The following CHMP2B variants were observed in gnomAD, a reference collection of about 807,000 sequenced individuals.
CHMP2B encodes VPS2 homolog B.
CHMP2B carries 22 observed loss-of-function variants against 29.8 expected under a neutral mutation model. The ratio of observed to expected loss-of-function variants is 0.74; its 90% CI spans 0.53 to 1.05. The LOEUF (loss-of-function observed/expected upper bound fraction) is 1.05, where lower values mean the gene tolerates loss of function less well. Ranked by LOEUF, CHMP2B falls within the 50% of genes least tolerant of loss-of-function variation. The probability of loss-of-function intolerance (pLI) is 0.00; values close to 1 mark genes in which losing one functional copy is unlikely to be tolerated. For synonymous variants in CHMP2B, 78 were observed against 75.8 expected, an observed-to-expected ratio of 1.03 and a Z score of -0.15; for missense variants, 261 against 252.2, an observed-to-expected ratio of 1.03 and a Z score of -0.24.
At chr3:87,245,996 C>T (rs1381518577) in intron 3 of CHMP2B, 88 bp downstream of exon 3, 6 of 1,059,772 alleles carry the variant, frequency 5.7e-6, no homozygotes, top group African/African-American at 1.6e-5. Context: ...AAAGCACCTC[C>T]TGGTGTATAT....
chr3:87,242,985 T>C (rs1382023503), intron 2 of CHMP2B, among the ~76,000 whole-genome samples: 2 of 152,166 alleles, frequency 1.3e-5, no homozygotes, highest in African/African-American at 4.8e-5. Flanking sequence ...CAGATTTTGA[T>C]TGGGATTACA....
intron 2 of CHMP2B, among the ~76,000 whole-genome samples, chr3:87,243,285 T>A (rs1706155037): frequency 6.6e-6 from 1 of 152,182 alleles, no homozygotes; most frequent in African/African-American, 2.4e-5. Flanking sequence ...TTGGTAATGA[T>A]GTATTTTTTT....
At chr3:87,229,164 G>C (rs1056991306) in intron 1 of CHMP2B, among the ~76,000 whole-genome samples, 1 of 152,004 alleles carries the variant, frequency 6.6e-6, no homozygotes, top group African/African-American at 2.4e-5. Context: ...ATAAATCTCA[G>C]TTCTGTGCTT....
rs974739906 is a variant in CHMP2B at position 87,245,595 on chromosome 3, C to A, written c.127-119C>A. 10 of 801,262 alleles carry A rather than the reference C, an allele frequency of 1.2e-5. No individual in the cohort carries two copies. The East Asian group carries it at 1.3e-4, about 11-fold the overall frequency. The allele number at this position is 801,262 out of a possible 1,614,324, so 49.6% of individuals were successfully genotyped here. On this transcript the variant is annotated intron_variant, in intron 2 of 5. Coordinates refer to ENST00000263780, the MANE Select transcript of CHMP2B (RefSeq NM_014043.4). ...TCTATGACTTTATAATAGCTTCTTC[C>A]CCTCTTCATGATCGGGGACAAAGGG...
chr3:87,235,822 C>T (rs1705997099), intron 1 of CHMP2B, among the ~76,000 whole-genome samples: 1 of 152,196 alleles, frequency 6.6e-6, no homozygotes. Flanking sequence ...TGCCCTACTT[C>T]AGATGCCACT....
intron 1 of CHMP2B, among the ~76,000 whole-genome samples, chr3:87,239,425 G>A (rs1706074241): frequency 6.6e-6 from 1 of 152,078 alleles, no homozygotes. Flanking sequence ...TTGAGTTAAT[G>A]TTTGTATACA....
rs1053626365 is a variant in CHMP2B, at chr3:87,254,743, A to T, written c.*921A>T. ...ATATTTTGGCCATCTAAAAATGAGA[A>T]TTATAATTATATGAATTATAATTTA... On this transcript the variant is annotated 3_prime_UTR_variant, in exon 6 of 6. Coordinates refer to ENST00000263780, the MANE Select transcript of CHMP2B (RefSeq NM_014043.4). 6.6e-6 allele frequency: 1 copy of T among 151,910 alleles called. No homozygotes were observed. Among genetic ancestry groups the T allele is most frequent in the African/African-American group, 2.4e-5 (1 of 41,412 alleles). The allele number at this position is 151,910 out of a possible 1,614,324, so 9.4% of individuals were successfully genotyped here.
At chr3:87,244,890 A>C (rs1279102885) in intron 2 of CHMP2B, among the ~76,000 whole-genome samples, 1 of 152,190 alleles carries the variant, frequency 6.6e-6, no homozygotes, top group Non-Finnish European at 1.5e-5. Flanking sequence ...TACTTGTAAC[A>C]ATTAGACTTT....
At chr3:87,243,763 A>G (rs1241833563) in intron 2 of CHMP2B, among the ~76,000 whole-genome samples, 1 of 152,124 alleles carries the variant, frequency 6.6e-6, no homozygotes, top group Non-Finnish European at 1.5e-5. Context: ...ATTTTAAAAT[A>G]TACTGATATA....
intron 4 of CHMP2B, among the ~76,000 whole-genome samples, chr3:87,251,311 G>C (rs919856741): frequency 1.1e-4 from 16 of 151,868 alleles, no homozygotes; most frequent in African/African-American, 3.6e-4. Flanking sequence ...CATCATCAAT[G>C]ATTTTTTAAT....
chr3:87,239,433 A>G (rs923687073), intron 1 of CHMP2B, among the ~76,000 whole-genome samples: 5 of 152,132 alleles, frequency 3.3e-5, no homozygotes, highest in Non-Finnish European at 7.4e-5. Flanking sequence ...ATGTTTGTAT[A>G]CAGTGTGACG....
At position 87,245,735 on chromosome 3, in the gene CHMP2B, G is replaced by C. The variant is rs1429270184; in HGVS notation, c.148G>C (p.Ala50Pro). 1 of 1,613,246 alleles carries C rather than the reference G, an allele frequency of 6.2e-7. No individual in the cohort carries two copies. Among genetic ancestry groups the C allele is most frequent in the African/African-American group, 1.3e-5 (1 of 74,838 alleles). ...TTAGGAATTAGAAATTAAGAAAATG[G>C]CCAAGATTGGTAATAAGGAAGCTTG... is the stretch of plus-strand genomic sequence containing the variant. ...KQLELEIKKM[A>P]KIGNKEACKV... The change falls in exon 3 of 6, where the codon GCC becomes CCC. Residue 50 changes from alanine to proline, a missense_variant. Coordinates refer to ENST00000263780, the MANE Select transcript of CHMP2B (RefSeq NM_014043.4).
In CHMP2B at chr3:87,240,702, T is replaced by C. The variant is rs781703226; in HGVS notation, c.38T>C (p.Val13Ala). ...SLFKKKTVDDVIKEQNRELRG... is the reference protein window; with the variant it reads ...SLFKKKTVDDAIKEQNRELRG... ...GTTTCTTTTGTGATTCTCCTAGATG[T>C]AATAAAGGAACAGAATCGAGAGTTA... is the stretch of plus-strand genomic sequence containing the variant. Residue 13 changes from valine (V) to alanine (A), a missense_variant, in exon 2 of 6, where the codon GTA becomes GCA. By Grantham distance (64) the Val-to-Ala change is moderately conservative. Transcript: ENST00000263780. 6.2e-7 allele frequency: 1 copy of C among 1,604,842 alleles called. No individual in the cohort carries two copies. Among genetic ancestry groups the C allele is most frequent in the Admixed American group, 1.7e-5 (1 of 59,976 alleles).
chr3:87,242,659 G>A (rs1229871320), intron 2 of CHMP2B, among the ~76,000 whole-genome samples: 1 of 152,080 alleles, frequency 6.6e-6, no homozygotes, highest in Non-Finnish European at 1.5e-5. Context: ...TCAGGTAAGG[G>A]TAGAGGTTCA....
chr3:87,227,329 G>C lies in CHMP2B; in HGVS notation c.-194G>C. On this transcript the variant is annotated 5_prime_UTR_variant, in exon 1 of 6. Coordinates refer to ENST00000263780, the MANE Select transcript of CHMP2B (RefSeq NM_014043.4). Reference sequence around the variant, plus strand: ...AGTGTGTTAGTTCCCGGTCACCTGAGCTCCGGGTGACGCGGCTGCGGTAGC... The same window carrying C: ...AGTGTGTTAGTTCCCGGTCACCTGACCTCCGGGTGACGCGGCTGCGGTAGC... The C allele has an allele frequency of 3.1e-6, 2 of 638,818 alleles. No individual in the cohort carries two copies. The highest frequency in any genetic ancestry group is 5.6e-6 in the Non-Finnish European group (2 of 355,986). 39.6% of individuals were successfully genotyped at this position (638,818 alleles called of 1,614,324 possible).
At chr3:87,229,696 T>C (rs1559604410) in intron 1 of CHMP2B, among the ~76,000 whole-genome samples, 1 of 152,178 alleles carries the variant, frequency 6.6e-6, no homozygotes, top group Non-Finnish European at 1.5e-5. Flanking sequence ...TCTTTTATTG[T>C]ATGCTGACTT....
intron 4 of CHMP2B, among the ~76,000 whole-genome samples, chr3:87,251,047 A>T (rs1400518327): frequency 6.6e-6 from 1 of 151,968 alleles, no homozygotes; most frequent in Non-Finnish European, 1.5e-5. Flanking sequence ...CTATGTAGGG[A>T]TATACCAGTT....
At chr3:87,236,556 A>G (rs1706015522) in intron 1 of CHMP2B, among the ~76,000 whole-genome samples, 1 of 152,084 alleles carries the variant, frequency 6.6e-6, no homozygotes, top group South Asian at 2.1e-4. Flanking sequence ...TAGCTTGTAT[A>G]AGACCATCAT....
chr3:87,253,558 G>A (rs372378935), intron 5 of CHMP2B, 48 bp downstream of exon 5: 248 of 1,407,520 alleles, frequency 1.8e-4, no homozygotes, highest in Admixed American at 5.2e-4. Context: ...TGCCTACCAC[G>A]TTTGTCACTT....
Sources: gnomAD v4.1 joint callset for allele counts (sites outside exome capture counted in the v4.1 genomes callset) on GRCh38, gnomAD v4.1.1 for gene constraint, MANE v1.5 for transcripts, NCBI Gene and HGNC (gene_info 2026-07-23, HGNC 2026-07-21) for gene names.